The following SNX7 variants were observed in gnomAD, a reference collection of about 807,000 sequenced individuals.
SNX7 encodes sorting nexin-7.
SNX7 carries 35 observed loss-of-function variants against 48.4 expected under a neutral mutation model. The observed-to-expected ratio is 0.72, with a 90% CI of 0.55 to 0.96. SNX7 has a LOEUF of 0.96. SNX7 is among the 40% of genes least tolerant of loss of function. The probability of loss-of-function intolerance (pLI) is 0.00; values close to 1 mark genes in which losing one functional copy is unlikely to be tolerated. For synonymous variants in SNX7, 190 were observed against 190.2 expected, an observed-to-expected ratio of 1.00 and a Z score of 0.01; for missense variants, 553 against 548.9, an observed-to-expected ratio of 1.01 and a Z score of -0.07.
chr1:98,701,193 C>G (rs553942306), intron 6 of SNX7, among the ~76,000 whole-genome samples: 5 of 152,230 alleles, frequency 3.3e-5, no homozygotes, highest in African/African-American at 1.2e-4. Context: ...TTTAAAAACT[C>G]TGAAACATGA....
At chr1:98,748,026 G>A (rs923536774) in intron 8 of SNX7, among the ~76,000 whole-genome samples, 1 of 149,658 alleles carries the variant, frequency 6.7e-6, no homozygotes, top group African/African-American at 2.5e-5. Flanking sequence ...GCCCAGGCTG[G>A]AGTGCAGTGC....
At chr1:98,730,383 A>G (rs895667478) in intron 7 of SNX7, among the ~76,000 whole-genome samples, 4 of 152,142 alleles carry the variant, frequency 2.6e-5, no homozygotes, top group African/African-American at 9.7e-5. Flanking sequence ...ACTCCTATTC[A>G]GCTTACTATT....
intron 7 of SNX7, among the ~76,000 whole-genome samples, chr1:98,713,885 CAGAT>C (rs1167352643): frequency 6.6e-6 from 1 of 152,110 alleles, no homozygotes; most frequent in Non-Finnish European, 1.5e-5. Flanking sequence ...ATCGCCATCA[CAGAT>C]AGGATAATAA....
At chr1:98,686,089 C>T (rs933261783) in intron 2 of SNX7, among the ~76,000 whole-genome samples, 2 of 152,134 alleles carry the variant, frequency 1.3e-5, no homozygotes, top group African/African-American at 2.4e-5. Context: ...AGTTTTCCTT[C>T]TGTTTGCTGT....
chr1:98,675,440 A>T (rs776222289), intron 1 of SNX7, among the ~76,000 whole-genome samples: 1 of 152,116 alleles, frequency 6.6e-6, no homozygotes, highest in Non-Finnish European at 1.5e-5. Context: ...CCTTTGCTAG[A>T]TATCGAAGCA....
At chr1:98,679,737 AT>A (rs1375130667) in intron 1 of SNX7, among the ~76,000 whole-genome samples, 1 of 152,206 alleles carries the variant, frequency 6.6e-6, no homozygotes, top group Admixed American at 6.5e-5. Context: ...CTTTGACTCC[AT>A]GTCTCACATA....
chr1:98,693,556 G>A (rs1651263425), intron 4 of SNX7, among the ~76,000 whole-genome samples: 1 of 152,150 alleles, frequency 6.6e-6, no homozygotes, highest in South Asian at 2.1e-4. Context: ...ACAGTCAACA[G>A]TTTCAGTAAC....
intron 7 of SNX7, among the ~76,000 whole-genome samples, chr1:98,727,868 C>T (rs867348038): frequency 4.6e-5 from 7 of 151,796 alleles, no homozygotes; most frequent in Non-Finnish European, 1.0e-4. Flanking sequence ...ACAAAACCTC[C>T]GAGAACTATG....
intron 7 of SNX7, among the ~76,000 whole-genome samples, chr1:98,736,840 T>C (rs1653804528): frequency 6.6e-6 from 1 of 152,210 alleles, no homozygotes; most frequent in East Asian, 1.9e-4. Flanking sequence ...TTTTACATTT[T>C]AGCATCTTGA....
intron 8 of SNX7, among the ~76,000 whole-genome samples, chr1:98,753,009 ATGGATAAATAC>A (rs1654661694): frequency 6.6e-6 from 1 of 152,010 alleles, no homozygotes; most frequent in Admixed American, 6.6e-5. Flanking sequence ...CCATTTGTTA[ATGGATAAATAC>A]TGGCATACAA....
intron 1 of SNX7, among the ~76,000 whole-genome samples, chr1:98,679,077 A>G (rs1040888338): frequency 3.3e-5 from 5 of 152,170 alleles, no homozygotes; most frequent in African/African-American, 1.2e-4. Flanking sequence ...GACATAACCA[A>G]GACTGGGCAA....
At position 98,698,891 on chromosome 1, in the gene SNX7, A is replaced by G. The variant is rs757520201; in HGVS notation, c.1024A>G (p.Ser342Gly). The part of the protein sequence containing the change: ...LPVVHEYVLY[S>G]EMLMGVMKRR... ...TGTTGTACATGAGTACGTGCTTTATAGTGAAATGTTAATGGTAAGAACACC... is the reference window on the plus strand; with the variant it reads ...TGTTGTACATGAGTACGTGCTTTATGGTGAAATGTTAATGGTAAGAACACC... Residue 342 changes from serine (S) to glycine (G), a missense_variant, in exon 6 of 9, where the codon AGT (serine) becomes GGT (glycine). By Grantham distance (56) the Ser-to-Gly change is moderately conservative. Transcript: ENST00000306121. The G allele has an allele frequency of 1.9e-6, 3 of 1,613,592 alleles. No homozygotes were observed. The highest frequency in any genetic ancestry group is 1.7e-5 in the Admixed American group (1 of 59,984).
At chr1:98,734,266 A>G (rs1236971055) in intron 7 of SNX7, among the ~76,000 whole-genome samples, 1 of 152,124 alleles carries the variant, frequency 6.6e-6, no homozygotes, top group Non-Finnish European at 1.5e-5. Flanking sequence ...CCATTATGGT[A>G]TGTATCCCAT....
At chr1:98,713,758 G>C (rs1652442671) in intron 7 of SNX7, among the ~76,000 whole-genome samples, 2 of 152,168 alleles carry the variant, frequency 1.3e-5, no homozygotes. Flanking sequence ...ACAGGAGAAT[G>C]GTCAGTGATA....
intron 7 of SNX7, among the ~76,000 whole-genome samples, chr1:98,731,217 T>C (rs1314046984): frequency 6.6e-6 from 1 of 151,192 alleles, no homozygotes; most frequent in African/African-American, 2.4e-5. Context: ...TTTATAAGAA[T>C]AAAAATTTTT....
intron 7 of SNX7, among the ~76,000 whole-genome samples, chr1:98,716,300 G>A (rs1383249424): frequency 6.6e-6 from 1 of 151,942 alleles, no homozygotes; most frequent in Non-Finnish European, 1.5e-5. Flanking sequence ...ATCCTACTTG[G>A]GCAGTTACTC....
At position 98,663,654 on chromosome 1, in the gene SNX7, C is replaced by G. The variant is rs540544747; in HGVS notation, c.180+1743C>G. ...CATTTCTGGTGAATTGCCTAAAGCT[C>G]TCTCAGACTAAGGAATCTAGATCTC... On this transcript the variant is annotated intron_variant, in intron 1 of 8. Coordinates refer to ENST00000306121, the MANE Select transcript of SNX7 (RefSeq NM_015976.5). Among the ~76,000 whole-genome samples, 7 of 152,226 alleles carry G rather than the reference C, an allele frequency of 4.6e-5. No individual in the cohort carries two copies. The East Asian group carries it at 5.8e-4, about 13-fold the overall frequency.
In SNX7 at chr1:98,705,572, T is replaced by A. The variant is rs79652748; in HGVS notation, c.1125+3669T>A. On this transcript the variant is annotated intron_variant, in intron 7 of 8. Transcript: ENST00000306121. ...TAGAGGTAATGTTTGAGATTGGTCC[T>A]ATAAAATGACTATGGAATTATTCAT... Among the ~76,000 whole-genome samples the A allele has an allele frequency of 8.7e-4, 132 of 152,290 alleles. 3 individuals are homozygous for A. The East Asian group carries it at 0.024, about 28-fold the overall frequency.
intron 2 of SNX7, among the ~76,000 whole-genome samples, chr1:98,690,012 G>T: frequency 6.6e-6 from 1 of 152,114 alleles, no homozygotes; most frequent in Non-Finnish European, 1.5e-5. Flanking sequence ...CATTTTAAGA[G>T]AATAAACTTT....
Sources: gnomAD v4.1 joint callset for allele counts (sites outside exome capture counted in the v4.1 genomes callset) on GRCh38, gnomAD v4.1.1 for gene constraint, MANE v1.5 for transcripts, NCBI Gene and HGNC (gene_info 2026-07-23, HGNC 2026-07-21) for gene names.